The following ENPP6 variants were observed in gnomAD, a reference collection of about 807,000 sequenced individuals.
ENPP6 encodes glycerophosphocholine cholinephosphodiesterase ENPP6.
ENPP6 carries 32 observed loss-of-function variants against 42.0 expected under a neutral mutation model. That is an observed-to-expected ratio of 0.76 (90% confidence interval 0.58 to 1.02). ENPP6 has a LOEUF of 1.02. Among genes scored for constraint, ENPP6 ranks in the 50% least tolerant of loss-of-function variants. The pLI is 0.00. For missense variants in ENPP6, 552 were observed against 566.8 expected, an observed-to-expected ratio of 0.97 and a Z score of 0.27; for synonymous variants, 213 against 216.0, an observed-to-expected ratio of 0.99 and a Z score of 0.12.
chr4:184,189,175 C>G lies in ENPP6; in HGVS notation c.241+28404G>C, dbSNP rs143887104. The stretch of plus-strand genomic sequence containing the variant: ...GTATATGCCAGGGGATTTCTCCTCT[C>G]AGCCGCCTTCCTTTCCTGGCCATGG... On this transcript the variant is annotated intron_variant, in intron 1 of 7. Transcript: ENST00000296741. Among the ~76,000 whole-genome samples the G allele has an allele frequency of 2.6e-5, 4 of 152,266 alleles. No individual in the cohort carries two copies. In the East Asian group the frequency reaches 7.7e-4, roughly 29 times the overall value.
intron 1 of ENPP6, 137 bp downstream of exon 1, chr4:184,217,440 ATT>A (rs370403362): frequency 1.6e-6 from 2 of 1,256,892 alleles, no homozygotes; most frequent in South Asian, 3.2e-5. Flanking sequence ...AAGAACACAG[ATT>A]TTTTTTATCT....
intron 3 of ENPP6, among the ~76,000 whole-genome samples, chr4:184,118,673 T>C (rs1422606185): frequency 1.3e-5 from 2 of 152,240 alleles, no homozygotes; most frequent in African/African-American, 4.8e-5. Flanking sequence ...ACCTCTTGCC[T>C]GTCTGGAGTT....
chr4:184,145,911 G>A (rs1037639295), intron 2 of ENPP6, among the ~76,000 whole-genome samples: 1 of 152,132 alleles, frequency 6.6e-6, no homozygotes, highest in African/African-American at 2.4e-5. Flanking sequence ...AAACAAATTT[G>A]GAACAAAGCA....
At chr4:184,214,242 A>AT (rs1491360480) in intron 1 of ENPP6, among the ~76,000 whole-genome samples, 1 of 151,446 alleles carries the variant, frequency 6.6e-6, no homozygotes, top group African/African-American at 2.4e-5. Context: ...AAGTATAATA[A>AT]TAAAAAAAAA....
intron 2 of ENPP6, among the ~76,000 whole-genome samples, chr4:184,125,615 C>T (rs1435767607): frequency 6.6e-6 from 1 of 152,040 alleles, no homozygotes; most frequent in Non-Finnish European, 1.5e-5. Flanking sequence ...GAAAGCATCC[C>T]TTCATCTGGC....
At chr4:184,156,550 G>A (rs974715705) in intron 1 of ENPP6, among the ~76,000 whole-genome samples, 1 of 152,212 alleles carries the variant, frequency 6.6e-6, no homozygotes, top group Admixed American at 6.5e-5. Flanking sequence ...GAGCTTGGAT[G>A]TGGTGTGGTT....
At chr4:184,200,473 C>T (rs1025414746) in intron 1 of ENPP6, among the ~76,000 whole-genome samples, 5 of 152,236 alleles carry the variant, frequency 3.3e-5, no homozygotes, top group Non-Finnish European at 4.4e-5. Flanking sequence ...TTTTTGGCTT[C>T]GGTTGGGGTT....
intron 1 of ENPP6, among the ~76,000 whole-genome samples, chr4:184,199,424 G>A (rs144016926): frequency 6.6e-5 from 10 of 152,322 alleles, no homozygotes; most frequent in East Asian, 5.8e-4. Context: ...AAACATTTAC[G>A]TTTCTGTACG....
chr4:184,161,913 T>C (rs1323830525), intron 1 of ENPP6, among the ~76,000 whole-genome samples: 2 of 152,080 alleles, frequency 1.3e-5, no homozygotes, highest in Non-Finnish European at 2.9e-5. Context: ...GACAAAAGAC[T>C]AAACATTGGG....
intron 1 of ENPP6, among the ~76,000 whole-genome samples, chr4:184,195,266 C>T (rs1446194076): frequency 1.3e-5 from 2 of 151,996 alleles, no homozygotes; most frequent in Non-Finnish European, 2.9e-5. Context: ...TTTTCCTGAT[C>T]CTCTCCCTCC....
At chr4:184,168,661 C>T (rs924158809) in intron 1 of ENPP6, among the ~76,000 whole-genome samples, 3 of 152,238 alleles carry the variant, frequency 2.0e-5, no homozygotes, top group African/African-American at 7.2e-5. Flanking sequence ...CCGAGAGGCG[C>T]CAGGCTGGGC....
intron 6 of ENPP6, among the ~76,000 whole-genome samples, chr4:184,109,091 A>G (rs1308280749): frequency 6.6e-6 from 1 of 152,172 alleles, no homozygotes; most frequent in Non-Finnish European, 1.5e-5. Context: ...GGCACCTGTA[A>G]TCTCAGCTAC....
chr4:184,185,355 C>T (rs1184537578), intron 1 of ENPP6, among the ~76,000 whole-genome samples: 1 of 152,200 alleles, frequency 6.6e-6, no homozygotes, highest in Non-Finnish European at 1.5e-5. Flanking sequence ...CCAGAAACAA[C>T]ATCCCACGGG....
In ENPP6 at chr4:184,184,612, AG is replaced by A. The variant is rs1346980743; in HGVS notation, c.242-30880del. Among the ~76,000 whole-genome samples, 2 of 152,152 alleles carry A rather than the reference AG, an allele frequency of 1.3e-5. No individual in the cohort carries two copies. The highest frequency in any genetic ancestry group is 2.9e-5 in the Non-Finnish European group (2 of 68,018). ...GGTCTTAGCAGATGTCACTAAGTTAAGGGTTTCAGGATGAGGTCGTCCTGGG... is the reference window on the plus strand; with the variant it reads ...GGTCTTAGCAGATGTCACTAAGTTAAGGTTTCAGGATGAGGTCGTCCTGGG... On this transcript the variant is annotated intron_variant, in intron 1 of 7. Coordinates refer to ENST00000296741, the MANE Select transcript of ENPP6 (RefSeq NM_153343.4). This position sits in a 1 kb window ranked among gnomAD's most constrained non-coding sequence, Gnocchi z 4.7.
intron 1 of ENPP6, among the ~76,000 whole-genome samples, chr4:184,208,869 C>T (rs1264049781): frequency 7.0e-6 from 1 of 142,940 alleles, no homozygotes; most frequent in Non-Finnish European, 1.6e-5. Context: ...GTGGTTCTCC[C>T]AGCACGCAGC....
intron 7 of ENPP6, among the ~76,000 whole-genome samples, chr4:184,092,604 T>C (rs1735829380): frequency 6.6e-6 from 1 of 152,206 alleles, no homozygotes; most frequent in Non-Finnish European, 1.5e-5. Flanking sequence ...AAAGCACTTG[T>C]CCATTTAAAG....
intron 1 of ENPP6, among the ~76,000 whole-genome samples, chr4:184,215,274 T>C (rs974649481): frequency 6.6e-6 from 1 of 152,244 alleles, no homozygotes; most frequent in Non-Finnish European, 1.5e-5. Flanking sequence ...TGAGGAACCC[T>C]AAAACAGCAT....
At chr4:184,132,597 C>A (rs1442556174) in intron 2 of ENPP6, among the ~76,000 whole-genome samples, 1 of 140,498 alleles carries the variant, frequency 7.1e-6, no homozygotes, top group East Asian at 2.1e-4. Flanking sequence ...AAATATTCTT[C>A]TTATCTAAAG....
chr4:184,113,899 TTTTCTTTCTTTCTTTCTTTCTTTC>T (rs70959170), intron 5 of ENPP6, among the ~76,000 whole-genome samples: 27 of 103,712 alleles, frequency 2.6e-4, no homozygotes, highest in South Asian at 7.2e-4. Context: ...CCTTTCTTTC[TTTTCTTTCTTTCTTTCTTTCTTTC>T]TTTCTTTCTT....
Sources: allele counts gnomAD v4.1 joint callset (sites outside exome capture counted in the v4.1 genomes callset), GRCh38; gene constraint gnomAD v4.1.1; non-coding constraint Gnocchi (gnomAD v3.1); transcripts MANE v1.5; gene names NCBI Gene and HGNC (gene_info 2026-07-23, HGNC 2026-07-21).